Variants in VOPP1 observed in about 807,000 individuals in gnomAD.
VOPP1 encodes the protein WW domain binding protein VOPP1.
A neutral mutation model predicts 23.5 loss-of-function variants in VOPP1; 8 were observed. That is an observed-to-expected ratio of 0.34 (90% confidence interval 0.20 to 0.61). The LOEUF (loss-of-function observed/expected upper bound fraction) is 0.61, where lower values mean the gene tolerates loss of function less well. Ranked by LOEUF, VOPP1 falls within the 20% of genes least tolerant of loss-of-function variation. The pLI, the probability that VOPP1 is intolerant of heterozygous loss-of-function variation, is 0.78. For missense variants in VOPP1, 174 were observed against 238.1 expected (o/e 0.73, Z 1.77); for synonymous variants, 83 against 97.3 (o/e 0.85, Z 0.86).
rs747089922 is a variant in VOPP1 at position 55,572,361 on chromosome 7, G to C, written c.-37C>G. ...TCCTCTCCAGCGCGCCCGGACGCCG[G>C]GTCGCAGGCGCGCTTCGCGACTCGG... On this transcript the variant is annotated 5_prime_UTR_variant, in exon 1 of 5. Transcript: ENST00000285279. 4 of 1,301,962 alleles carry C rather than the reference G, an allele frequency of 3.1e-6. No homozygotes were observed. In the East Asian group the frequency reaches 1.3e-4, roughly 42 times the overall value. 80.7% of individuals were successfully genotyped at this position (1,301,962 alleles called of 1,614,324 possible). A position where few individuals can be genotyped will look rare whatever the true frequency, so the allele number is the denominator to read the frequency against.
intron 2 of VOPP1, among the ~76,000 whole-genome samples, chr7:55,509,808 G>A (rs766077722): frequency 1.3e-5 from 2 of 152,044 alleles, no homozygotes; most frequent in African/African-American, 2.4e-5. Flanking sequence ...TCTTTTCATG[G>A]TCTCTCTCTG....
In VOPP1 at chr7:55,471,729, A is replaced by T. The variant is rs1443959552; in HGVS notation, c.*1126T>A. 1.3e-5 allele frequency: 2 copies of T among 151,878 alleles called. No individual in the cohort carries two copies. Among genetic ancestry groups the T allele is most frequent in the African/African-American group, 4.8e-5 (2 of 41,278 alleles). The allele number at this position is 151,878 out of a possible 1,614,324, so 9.4% of individuals were successfully genotyped here. A position where few individuals can be genotyped will look rare whatever the true frequency, so the allele number is the denominator to read the frequency against. ...CGACCACTTCTTCTTTATTCTAATTATGACAACATGGTCAGTGCAGTTGAG... is the reference window on the plus strand; with the variant it reads ...CGACCACTTCTTCTTTATTCTAATTTTGACAACATGGTCAGTGCAGTTGAG... On this transcript the variant is annotated 3_prime_UTR_variant, in exon 5 of 5. Coordinates refer to ENST00000285279, the MANE Select transcript of VOPP1 (RefSeq NM_030796.5).
chr7:55,521,343 C>T (rs1377200695), intron 1 of VOPP1, among the ~76,000 whole-genome samples: 1 of 152,056 alleles, frequency 6.6e-6, no homozygotes. Context: ...TTTTCATAGC[C>T]TTTCATATCT....
chr7:55,492,182 G>T (rs62457893), intron 4 of VOPP1, 100 bp downstream of exon 4: 19,790 of 1,426,130 alleles, frequency 0.014, 159 homozygotes, highest in Middle Eastern at 0.024. Context: ...ACACCTGAGC[G>T]CTCTCTTCTG....
intron 1 of VOPP1, among the ~76,000 whole-genome samples, chr7:55,534,174 G>A (rs1270317311): frequency 6.8e-6 from 1 of 146,156 alleles, no homozygotes; most frequent in Non-Finnish European, 1.5e-5. Flanking sequence ...AAGAATGGTA[G>A]CAGAGTAAAA....
At chr7:55,538,286 T>C (rs1796925913) in intron 1 of VOPP1, among the ~76,000 whole-genome samples, 1 of 152,212 alleles carries the variant, frequency 6.6e-6, no homozygotes, top group East Asian at 1.9e-4. Flanking sequence ...CTTCTCCAAC[T>C]GAGCTACACT....
chr7:55,520,655 AC>A (rs1276721309), intron 2 of VOPP1, among the ~76,000 whole-genome samples: 6 of 152,280 alleles, frequency 3.9e-5, no homozygotes, highest in African/African-American at 1.4e-4. Flanking sequence ...TCCTACACAT[AC>A]GCACAGACAC....
chr7:55,517,561 G>T (rs28710092), intron 2 of VOPP1, among the ~76,000 whole-genome samples: 2,470 of 152,270 alleles, frequency 0.016, 71 homozygotes, highest in African/African-American at 0.056. Flanking sequence ...CAGCAGCAGG[G>T]CGAGCTGGGC....
intron 1 of VOPP1, chr7:55,537,422 A>G: frequency 6.6e-7 from 1 of 1,525,118 alleles, no homozygotes. Context: ...ACTGCCCACC[A>G]TGCTCTTCTT....
chr7:55,497,477 C>A, intron 3 of VOPP1, 136 bp downstream of exon 3: 2 of 739,430 alleles, frequency 2.7e-6, no homozygotes, highest in East Asian at 2.7e-5. Flanking sequence ...CCAAACATAC[C>A]CATTTTCCTG....
At chr7:55,529,233 C>T (rs893094776) in intron 1 of VOPP1, among the ~76,000 whole-genome samples, 4 of 152,060 alleles carry the variant, frequency 2.6e-5, no homozygotes, top group Admixed American at 2.6e-4. Context: ...GGCGTGGTGG[C>T]GCTCGCCTGT....
At chr7:55,468,359 A>G (rs976908539), downstream of VOPP1, among the ~76,000 whole-genome samples, 2 of 151,838 alleles carry the variant, frequency 1.3e-5, no homozygotes, top group Non-Finnish European at 2.9e-5. Flanking sequence ...GGGCCTTTGG[A>G]GCCCACAGCT....
At chr7:55,438,338 C>A (rs575578511) in intron 4 of VOPP1, among the ~76,000 whole-genome samples, 1 of 152,162 alleles carries the variant, frequency 6.6e-6, no homozygotes, top group Non-Finnish European at 1.5e-5. Context: ...AGAAAACAGG[C>A]GAAGACACTC....
rs142142375 is a variant in VOPP1 at position 55,514,357 on chromosome 7, C to A, written c.113+6715G>T. ...CTTGAAGGTGATCTAGCACAGGAAACGGGGGCCCAGAGAGGTTGGACATTT... is the reference window on the plus strand; with the variant it reads ...CTTGAAGGTGATCTAGCACAGGAAAAGGGGGCCCAGAGAGGTTGGACATTT... On this transcript the variant is annotated intron_variant, in intron 2 of 4. Coordinates refer to ENST00000285279, the MANE Select transcript of VOPP1 (RefSeq NM_030796.5). Among the ~76,000 whole-genome samples, 109 of 152,316 alleles carry A rather than the reference C, an allele frequency of 7.2e-4. 1 individual carries two copies. The East Asian group carries it at 0.02, about 27-fold the overall frequency.
chr7:55,474,071 G>A (rs1792050497), intron 4 of VOPP1, among the ~76,000 whole-genome samples: 1 of 152,236 alleles, frequency 6.6e-6, no homozygotes, highest in South Asian at 2.1e-4. Context: ...CAGAAGCACA[G>A]GCCAGGCCTG....
At chr7:55,555,289 C>T (rs1442566625) in intron 1 of VOPP1, among the ~76,000 whole-genome samples, 1 of 152,178 alleles carries the variant, frequency 6.6e-6, no homozygotes, top group Non-Finnish European at 1.5e-5. Context: ...TCCCGACCAC[C>T]CCCCAGCTCA....
chr7:55,539,288 T>A (rs575218175), intron 1 of VOPP1, among the ~76,000 whole-genome samples: 1 of 152,102 alleles, frequency 6.6e-6, no homozygotes, highest in African/African-American at 2.4e-5. Context: ...GAGGTTGCAG[T>A]GAGCTAAGAT....
chr7:55,514,696 T>G (rs1042987456), intron 2 of VOPP1, among the ~76,000 whole-genome samples: 1 of 152,192 alleles, frequency 6.6e-6, no homozygotes, highest in Non-Finnish European at 1.5e-5. Flanking sequence ...AAGAGGGGTA[T>G]GGGCCACAGA....
chr7:55,504,549 C>A (rs1583949039), intron 2 of VOPP1, among the ~76,000 whole-genome samples: 1 of 152,208 alleles, frequency 6.6e-6, no homozygotes, highest in Non-Finnish European at 1.5e-5. Context: ...GGAATCCACC[C>A]GACCATTCAG....
Sources: gnomAD v4.1 joint callset for allele counts (sites outside exome capture counted in the v4.1 genomes callset) on GRCh38, gnomAD v4.1.1 for gene constraint, MANE v1.5 for transcripts, NCBI Gene and HGNC (gene_info 2026-07-23, HGNC 2026-07-21) for gene names.